NDUFAF5: variants seen among roughly 807,000 people sequenced by gnomAD.
NDUFAF5 encodes the protein arginine-hydroxylase NDUFAF5, mitochondrial.
In NDUFAF5, 34 loss-of-function variants were observed where a neutral mutation model predicts 48.9. The ratio of observed to expected loss-of-function variants is 0.70; its 90% CI spans 0.53 to 0.93. NDUFAF5 has a LOEUF of 0.93. NDUFAF5 is among the 40% of genes least tolerant of loss of function. The probability of loss-of-function intolerance (pLI) is 0.00; values close to 1 mark genes in which losing one functional copy is unlikely to be tolerated. For missense variants in NDUFAF5, 428 were observed against 427.5 expected (o/e 1.00, Z -0.01); for synonymous variants, 153 against 150.6 (o/e 1.02, Z -0.12).
At chr20:13,806,765 T>C (rs13037108) in intron 7 of NDUFAF5, among the ~76,000 whole-genome samples, 1 of 152,196 alleles carries the variant, frequency 6.6e-6, no homozygotes, top group Non-Finnish European at 1.5e-5. Context: ...ATGATGAATG[T>C]TCATGGTCTC....
rs1413087869 is a variant in NDUFAF5, at chr20:13,793,180, G to A, written c.328G>A (p.Glu110Lys). Residue 110 changes from glutamate to lysine, a missense_variant and splice_region_variant, in exon 4 of 11, where the codon GAA (glutamate) becomes AAA (lysine). Coordinates refer to ENST00000378106, the MANE Select transcript of NDUFAF5 (RefSeq NM_024120.5). ...TTCAGCTTCAGTTATTCCATTGCAG[G>A]AAACTATTGGAAAGTTTTTCCAAGC... is the stretch of plus-strand genomic sequence containing the variant. ...RGYIAQYLNK[E>K]TIGKFFQADI... The A allele has an allele frequency of 6.2e-7, 1 of 1,613,846 alleles. No homozygotes were observed.
In NDUFAF5 at chr20:13,818,426, G is replaced by T. The variant is rs1187816044; in HGVS notation, c.*1216G>T. On this transcript the variant is annotated 3_prime_UTR_variant, in exon 11 of 11. Transcript: ENST00000378106. ...AAGTAAACCTGTGAAGTAGAATTTGGCGTTTTGTTTTTTGGGGTTTTTTTT... is the reference window on the plus strand; with the variant it reads ...AAGTAAACCTGTGAAGTAGAATTTGTCGTTTTGTTTTTTGGGGTTTTTTTT... 1 of 323,544 alleles carries T rather than the reference G, an allele frequency of 3.1e-6. No homozygotes were observed. The highest frequency in any genetic ancestry group is 2.5e-5 in the South Asian group (1 of 39,802). The allele number at this position is 323,544 out of a possible 1,614,324, so 20.0% of individuals were successfully genotyped here. A position where few individuals can be genotyped will look rare whatever the true frequency, so the allele number is the denominator to read the frequency against.
At chr20:13,805,157 T>G (rs546862739) in intron 7 of NDUFAF5, among the ~76,000 whole-genome samples, 1 of 152,126 alleles carries the variant, frequency 6.6e-6, no homozygotes, top group Admixed American at 6.6e-5. Flanking sequence ...GGTGTAGGGC[T>G]GGGATGGTGT....
At chr20:13,796,189 G>A (rs886340998) in intron 5 of NDUFAF5, among the ~76,000 whole-genome samples, 3 of 152,216 alleles carry the variant, frequency 2.0e-5, no homozygotes, top group African/African-American at 7.2e-5. Flanking sequence ...CTTTTGGCCT[G>A]AAAGTCTTAT....
In NDUFAF5 at chr20:13,785,142, G is replaced by A; in HGVS notation, c.74G>A (p.Gly25Asp). The A allele has an allele frequency of 6.2e-7, 1 of 1,613,996 alleles. No homozygotes were observed. The highest frequency in any genetic ancestry group is 8.5e-7 in the Non-Finnish European group (1 of 1,179,992). ...GCGAGGGTCCCAGCGGAGAATCTTG[G>A]CCGTAGGGAAGTCACCTCTGGTGTC... is the stretch of plus-strand genomic sequence containing the variant. ...WAARVPAENL[G>D]RREVTSGVSP... Residue 25 changes from glycine (G) to aspartate (D), a missense_variant, in exon 1 of 11, where the codon GGC becomes GAC. Transcript: ENST00000378106.
intron 8 of NDUFAF5, chr20:13,814,243 A>G (rs1330655622): frequency 2.8e-6 from 1 of 360,504 alleles, no homozygotes; most frequent in East Asian, 7.4e-5. Context: ...GGGAAGAAGC[A>G]TAGTCAGGGG....
At chr20:13,804,810 G>A (rs1402714896) in intron 7 of NDUFAF5, among the ~76,000 whole-genome samples, 1 of 152,148 alleles carries the variant, frequency 6.6e-6, no homozygotes, top group African/African-American at 2.4e-5. Flanking sequence ...AAATCCCTGC[G>A]TGGTGTTTTT....
Position 13,817,053 on chromosome 20 carries a change from G to A in NDUFAF5, c.946-65G>A, listed in dbSNP as rs6079184. 8 of 1,553,388 alleles carry A rather than the reference G, an allele frequency of 5.2e-6. No homozygotes were observed. The East Asian group carries it at 9.0e-5, about 17-fold the overall frequency. On this transcript the variant is annotated intron_variant, in intron 10 of 10. Coordinates refer to ENST00000378106, the MANE Select transcript of NDUFAF5 (RefSeq NM_024120.5). The stretch of plus-strand genomic sequence containing the variant: ...AAGGGGTAATGTAAGACAGCATTAA[G>A]GGCTTTAATTGGGGCTGTGTATTAT...
At chr20:13,798,532 G>T in intron 6 of NDUFAF5, 32 bp downstream of exon 6, 1 of 1,528,100 alleles carries the variant, frequency 6.5e-7, no homozygotes, top group Non-Finnish European at 9.1e-7. Context: ...CAACTATCTT[G>T]TGTTATTTTC....
rs80166578 is a variant in NDUFAF5, at chr20:13,798,605, G to A, written c.519+105G>A. ...ATACTATTTACTTGTAGGTCTGACA[G>A]TTGGGAAAGAAATCGGTGAAATCAT... On this transcript the variant is annotated intron_variant, in intron 6 of 10. Coordinates refer to ENST00000378106, the MANE Select transcript of NDUFAF5 (RefSeq NM_024120.5). 3.2e-6 allele frequency: 3 copies of A among 933,364 alleles called. No homozygotes were observed. In the African/African-American group the frequency reaches 4.9e-5, roughly 15 times the overall value. The allele number at this position is 933,364 out of a possible 1,614,324, so 57.8% of individuals were successfully genotyped here.
At chr20:13,793,299 T>A (rs1326502365) in intron 4 of NDUFAF5, 72 bp downstream of exon 4, 6 of 1,285,614 alleles carry the variant, frequency 4.7e-6, no homozygotes, top group Non-Finnish European at 6.7e-6. Context: ...TCTTTATTTT[T>A]ATTTCCTTCA....
At chr20:13,809,900 T>C (rs1330699320) in intron 8 of NDUFAF5, among the ~76,000 whole-genome samples, 1 of 152,218 alleles carries the variant, frequency 6.6e-6, no homozygotes, top group Admixed American at 6.5e-5. Context: ...TGAAGCTTAA[T>C]TGCTGAGTTT....
chr20:13,788,404 A>G (rs1981582103), intron 2 of NDUFAF5, among the ~76,000 whole-genome samples, 185 bp from the exon 3 acceptor site: 2 of 152,230 alleles, frequency 1.3e-5, no homozygotes, highest in South Asian at 4.1e-4. Context: ...GTGAATAGCT[A>G]GCAGACAGAC....
intron 5 of NDUFAF5, 59 bp from the exon 6 acceptor site, chr20:13,798,402 A>G (rs2147533578): frequency 8.1e-7 from 1 of 1,233,280 alleles, no homozygotes; most frequent in Non-Finnish European, 1.2e-6. Context: ...ACCTGGTGAT[A>G]ATTTTACTAA....
Position 13,808,873 on chromosome 20 carries a change from G to T in NDUFAF5, c.749G>T (p.Gly250Val), listed in dbSNP as rs757043077. The T allele has an allele frequency of 1.6e-5, 26 of 1,596,388 alleles. No homozygotes were observed. Among genetic ancestry groups the T allele is most frequent in the Non-Finnish European group, 1.7e-6 (2 of 1,164,232 alleles). ...GATGAAATTCAAGTTAACTATCCTG[G>T]AATGTTTGAATTGATGGAAGATTTA... ...DTDEIQVNYP[G>V]MFELMEDLQG... Residue 250 changes from glycine to valine, a missense_variant, in exon 8 of 11, where the codon GGA (glycine) becomes GTA (valine). Physicochemically the swap from Gly to Val is moderately radical, Grantham distance 109 (BLOSUM62 -3). Coordinates refer to ENST00000378106, the MANE Select transcript of NDUFAF5 (RefSeq NM_024120.5).
At position 13,799,387 on chromosome 20, in the gene NDUFAF5, T is replaced by A. The variant is rs117612817; in HGVS notation, c.519+887T>A. 4.0e-3 allele frequency among the ~76,000 whole-genome samples: 602 copies of A among 152,262 alleles called. 2 individuals are homozygous for A. Among genetic ancestry groups the A allele is most frequent in the Non-Finnish European group, 6.7e-3 (454 of 68,026 alleles). On this transcript the variant is annotated intron_variant, in intron 6 of 10. Transcript: ENST00000378106. ...GTGTTAAATAGCTCTGCGAGATGTA[T>A]TTATTTTGCTGATTAGAAACTGATG... is the stretch of plus-strand genomic sequence containing the variant.
intron 4 of NDUFAF5, among the ~76,000 whole-genome samples, chr20:13,793,632 A>T (rs1162580335): frequency 6.6e-6 from 1 of 152,204 alleles, no homozygotes; most frequent in Non-Finnish European, 1.5e-5. Flanking sequence ...TATTTAGCTA[A>T]ACTTTCTATT....
At chr20:13,787,419 G>A in intron 2 of NDUFAF5, 67 bp downstream of exon 2, 1 of 1,434,486 alleles carries the variant, frequency 7.0e-7, no homozygotes, top group Non-Finnish European at 9.8e-7. Flanking sequence ...ATTAAATGCT[G>A]AGAACTTGCT....
chr20:13,797,600 T>A (rs1283600182), intron 5 of NDUFAF5, among the ~76,000 whole-genome samples: 2 of 152,122 alleles, frequency 1.3e-5, no homozygotes, highest in African/African-American at 2.4e-5. Flanking sequence ...GATGAATAGG[T>A]GGAGCACAGA....
Sources: gnomAD v4.1 joint callset for allele counts (sites outside exome capture counted in the v4.1 genomes callset) on GRCh38, gnomAD v4.1.1 for gene constraint, MANE v1.5 for transcripts, NCBI Gene and HGNC (gene_info 2026-07-23, HGNC 2026-07-21) for gene names.